The following MNS1 variants were observed in gnomAD, a reference collection of about 807,000 sequenced individuals.
The protein encoded by MNS1 is meiosis specific nuclear structural 1.
A neutral mutation model predicts 72.0 loss-of-function variants in MNS1; 63 were observed. That is an observed-to-expected ratio of 0.87 (90% CI 0.71 to 1.08). The LOEUF is 1.08. MNS1 is among the 50% of genes least tolerant of loss of function. The pLI is 0.00. For synonymous variants in MNS1, 188 were observed against 172.1 expected (o/e 1.09, Z -0.72); for missense variants, 604 against 562.4 (o/e 1.07, Z -0.75).
Position 56,429,082 on chromosome 15 carries a change from T to C in MNS1, c.*19A>G, listed in dbSNP as rs748500354. 5 of 1,516,758 alleles carry C rather than the reference T, an allele frequency of 3.3e-6. No individual in the cohort carries two copies. The highest frequency in any genetic ancestry group is 4.5e-6 in the Non-Finnish European group (5 of 1,110,324). 94.0% of individuals were successfully genotyped at this position (1,516,758 alleles called of 1,614,324 possible). ...TGGTAACATGCAAAAAATCTATGCTTTACCCAATTTTGATGATATCATTTC... is the reference window on the plus strand; with the variant it reads ...TGGTAACATGCAAAAAATCTATGCTCTACCCAATTTTGATGATATCATTTC... On this transcript the variant is annotated 3_prime_UTR_variant, in exon 10 of 10. Coordinates refer to ENST00000260453, the MANE Select transcript of MNS1 (RefSeq NM_018365.4).
Position 56,464,154 on chromosome 15 carries a change from T to G in MNS1, c.97A>C (p.Asn33His), listed in dbSNP as rs964066654. Residue 33 changes from asparagine to histidine, a missense_variant, in exon 2 of 10, where the codon AAC (asparagine) becomes CAC (histidine). Transcript: ENST00000260453. The stretch of plus-strand genomic sequence containing the variant: ...TGATTCCTGATTTGACTGTTGACGT[T>G]TTTTAGAGCTTGGACATGTAATTTT... The part of the protein sequence containing the change: ...CKKLHVQALK[N>H]VNSQIRNQMV... 3.7e-6 allele frequency: 6 copies of G among 1,614,018 alleles called. No individual in the cohort carries two copies. The highest frequency in any genetic ancestry group is 5.1e-6 in the Non-Finnish European group (6 of 1,180,004).
intron 9 of MNS1, among the ~76,000 whole-genome samples, chr15:56,430,398 A>G (rs3784551): frequency 0.3 from 46,229 of 151,800 alleles, 7,943 homozygotes; most frequent in Middle Eastern, 0.49. Flanking sequence ...TAGCAATGGC[A>G]TCTCCCCATG....
intron 2 of MNS1, among the ~76,000 whole-genome samples, chr15:56,462,225 G>T (rs768303458): frequency 1.3e-5 from 2 of 152,024 alleles, no homozygotes; most frequent in Non-Finnish European, 2.9e-5. Flanking sequence ...AGGAATAAAA[G>T]AATCAGAAAA....
chr15:56,453,840 C>A (rs1013675933), intron 3 of MNS1, among the ~76,000 whole-genome samples: 1 of 152,052 alleles, frequency 6.6e-6, no homozygotes, highest in Non-Finnish European at 1.5e-5. Context: ...GAAATATTTT[C>A]AAAATAAACT....
intron 8 of MNS1, among the ~76,000 whole-genome samples, chr15:56,432,871 T>C (rs1016124592): frequency 3.1e-4 from 47 of 152,208 alleles, no homozygotes; most frequent in African/African-American, 1.0e-3. Context: ...AAAGAAGTCA[T>C]GTAAGTCTCA....
chr15:56,464,604 C>G (rs1288571903), intron 1 of MNS1, among the ~76,000 whole-genome samples: 15 of 152,138 alleles, frequency 9.9e-5, no homozygotes, highest in African/African-American at 3.6e-4. Context: ...ACCACGACTA[C>G]CACCACAGGG....
At chr15:56,429,245 A>G in intron 9 of MNS1, 52 bp from the exon 10 acceptor site, 1 of 1,185,010 alleles carries the variant, frequency 8.4e-7, no homozygotes, top group Non-Finnish European at 1.2e-6. Context: ...ATATTTCACT[A>G]AATGCTTTTA....
intron 1 of MNS1, 76 bp from the exon 2 acceptor site, chr15:56,464,323 C>T: frequency 1.8e-6 from 2 of 1,082,248 alleles, no homozygotes; most frequent in Non-Finnish European, 2.7e-6. Context: ...TGATATAAAC[C>T]TTAGTAAGAA....
chr15:56,451,606 T>C (rs2050947522), intron 3 of MNS1, among the ~76,000 whole-genome samples: 1 of 152,174 alleles, frequency 6.6e-6, no homozygotes, highest in Non-Finnish European at 1.5e-5. Flanking sequence ...ATTTTCATTA[T>C]TATTCAGTTA....
intron 3 of MNS1, among the ~76,000 whole-genome samples, chr15:56,449,202 T>C (rs2050930137): frequency 6.6e-6 from 1 of 152,154 alleles, no homozygotes; most frequent in Admixed American, 6.5e-5. Context: ...CAAAGATGAC[T>C]AAAAGCTGTC....
intron 8 of MNS1, 66 bp from the exon 9 acceptor site, chr15:56,431,564 A>G (rs530888891): frequency 6.5e-7 from 1 of 1,532,644 alleles, no homozygotes; most frequent in Non-Finnish European, 9.0e-7. Context: ...TTTCAAATAA[A>G]ACTACTCATG....
chr15:56,434,239 C>T lies in MNS1; in HGVS notation c.1168G>A (p.Glu390Lys). 6.2e-7 allele frequency: 1 copy of T among 1,613,954 alleles called. No individual in the cohort carries two copies. The highest frequency in any genetic ancestry group is 1.1e-5 in the South Asian group (1 of 91,074). ...CTTTGTTTCTGAGCATTCATTAATT[C>T]TATTCGATCATCCTCAGCAAATTTA... ...LAKFAEDDRI[E>K]LMNAQKQRMK... The change falls in exon 8 of 10, where the codon GAA (glutamate) becomes AAA (lysine). Residue 390 changes from glutamate to lysine, a missense_variant. Physicochemically the swap from Glu to Lys is moderately conservative, Grantham distance 56 (BLOSUM62 1). Transcript: ENST00000260453.
At chr15:56,464,425 T>C (rs924902841) in intron 1 of MNS1, among the ~76,000 whole-genome samples, 178 bp from the exon 2 acceptor site, 2 of 152,186 alleles carry the variant, frequency 1.3e-5, no homozygotes, top group Non-Finnish European at 2.9e-5. Flanking sequence ...ATCGATTAAA[T>C]AGGTACTGTT....
At chr15:56,456,043 G>T (rs1157481999) in intron 3 of MNS1, among the ~76,000 whole-genome samples, 1 of 152,064 alleles carries the variant, frequency 6.6e-6, no homozygotes, top group Non-Finnish European at 1.5e-5. Flanking sequence ...AGTCATTCCA[G>T]AAATACTGTA....
At chr15:56,460,009 A>AAAAAAAAAAAAAAAATATATATATAT in intron 2 of MNS1, among the ~76,000 whole-genome samples, 3 of 26,384 alleles carry the variant, frequency 1.1e-4, no homozygotes, top group South Asian at 1.5e-3. Context: ...AAAAAAAAAA[A>AAAAAAAAAAAAAAAATATATATATAT]ATACATATAT....
At chr15:56,436,818 T>C (rs1055932653) in intron 7 of MNS1, among the ~76,000 whole-genome samples, 5 of 152,094 alleles carry the variant, frequency 3.3e-5, no homozygotes, top group South Asian at 4.1e-4. Context: ...GAGAATACTA[T>C]AAACACCTCT....
rs574688993 is a variant in MNS1 at position 56,433,271 on chromosome 15, C to A, written c.1269+867G>T. Among the ~76,000 whole-genome samples the A allele has an allele frequency of 1.3e-4, 20 of 149,442 alleles. No homozygotes were observed. In the South Asian group the frequency reaches 4.3e-3, roughly 32 times the overall value. On this transcript the variant is annotated intron_variant, in intron 8 of 9. Transcript: ENST00000260453. ...AGGGCCTGTCGGGGGGTGGGGGGGA[C>A]AAGGGGAAGGGAGAGCATTAGGACA...
At chr15:56,430,212 AC>A (rs1300502494) in intron 9 of MNS1, 2 of 152,062 alleles carry the variant, frequency 1.3e-5, no homozygotes, top group Non-Finnish European at 2.9e-5. Context: ...AACTGTTATT[AC>A]TTTTTTAAGA....
Position 56,460,009 on chromosome 15 carries a change from A to AAAAAAAAAAAAAAAAT in MNS1, c.226-3489_226-3488insATTTTTTTTTTTTTTT. Among the ~76,000 whole-genome samples the AAAAAAAAAAAAAAAAT allele has an allele frequency of 1.2e-3, 31 of 26,388 alleles. 7 individuals carry two copies. The highest frequency in any genetic ancestry group is 4.2e-3 in the African/African-American group (28 of 6,654). 17.3% of individuals were successfully genotyped at this position (26,388 alleles called of 152,430 possible). A position where few individuals can be genotyped will look rare whatever the true frequency, so the allele number is the denominator to read the frequency against. On this transcript the variant is annotated intron_variant, in intron 2 of 9. Coordinates refer to ENST00000260453, the MANE Select transcript of MNS1 (RefSeq NM_018365.4). ...CTGTCTCAAAAAAAAAAAAAAAAAA[A>AAAAAAAAAAAAAAAAT]ATACATATATATATATATATATATA...
Sources: allele counts gnomAD v4.1 joint callset (sites outside exome capture counted in the v4.1 genomes callset), GRCh38; gene constraint gnomAD v4.1.1; transcripts MANE v1.5; gene names NCBI Gene and HGNC (gene_info 2026-07-23, HGNC 2026-07-21).